The following GRIK2 variants were observed in gnomAD, a reference collection of about 807,000 sequenced individuals.
GRIK2 encodes glutamate ionotropic receptor kainate type subunit 2, also known as glutamate receptor ionotropic, kainate 2.
Under a neutral mutation model 100.3 loss-of-function variants are expected in GRIK2, and 32 were observed. The observed-to-expected ratio is 0.32, with a 90% confidence interval of 0.24 to 0.43. GRIK2 has a LOEUF of 0.43. Among genes scored for constraint, GRIK2 ranks in the 20% least tolerant of loss-of-function variants. The pLI, the probability that GRIK2 is intolerant of heterozygous loss-of-function variation, is 1.00. For synonymous variants in GRIK2, 417 were observed against 389.4 expected, an observed-to-expected ratio of 1.07 and a Z score of -0.83; for missense variants, 843 against 1,114.9, an observed-to-expected ratio of 0.76 and a Z score of 3.47.
At chr6:101,773,533 TTAAGGA>T (rs1464056801) in intron 7 of GRIK2, among the ~76,000 whole-genome samples, 1 of 150,512 alleles carries the variant, frequency 6.6e-6, no homozygotes, top group Non-Finnish European at 1.5e-5. Context: ...GGTCTTCAAG[TTAAGGA>T]TCTGAGGTAC....
At position 101,650,800 on chromosome 6, in the gene GRIK2, G is replaced by C. The variant is rs577439452; in HGVS notation, c.541+24163G>C. ...CAGTTAACTGACTTGAAAAATATCT[G>C]ATTTGAAATGGGGCTTACAGACCAA... On this transcript the variant is annotated intron_variant, in intron 4 of 16. Transcript: ENST00000369134. Among the ~76,000 whole-genome samples the C allele has an allele frequency of 2.6e-5, 4 of 151,990 alleles. No homozygotes were observed. In the East Asian group the frequency reaches 7.8e-4, roughly 30 times the overall value.
chr6:101,433,197 C>G (rs569333521), intron 2 of GRIK2, among the ~76,000 whole-genome samples: 1 of 152,112 alleles, frequency 6.6e-6, no homozygotes, highest in South Asian at 2.1e-4. Flanking sequence ...ATCATAGACA[C>G]GAAAAAGTAT....
chr6:101,754,156 T>C (rs901900882), intron 7 of GRIK2, among the ~76,000 whole-genome samples: 3 of 152,118 alleles, frequency 2.0e-5, no homozygotes, highest in Non-Finnish European at 2.9e-5. Context: ...GTTGGTAAAG[T>C]GATTGATTTA....
rs139243971 is a variant in GRIK2 at position 101,980,779 on chromosome 6, T to C, written c.2085+52147T>C. On this transcript the variant is annotated intron_variant, in intron 14 of 16. Transcript: ENST00000369134. ...ATGCCACGTGGAGTCATTTAAAAGA[T>C]TTGTATTAGTTATAAGAAAATAAAC... is the stretch of plus-strand genomic sequence containing the variant. Among the ~76,000 whole-genome samples, 47 of 151,830 alleles carry C rather than the reference T, an allele frequency of 3.1e-4. 1 individual carries two copies. The East Asian group carries it at 7.8e-3, about 25-fold the overall frequency.
At chr6:101,597,876 G>A (rs1778998323) in intron 2 of GRIK2, among the ~76,000 whole-genome samples, 2 of 151,616 alleles carry the variant, frequency 1.3e-5, no homozygotes, top group African/African-American at 4.8e-5. Flanking sequence ...TCTGTCCTGC[G>A]GTGGCGCTGG....
At chr6:101,465,513 C>A (rs149858163) in intron 2 of GRIK2, among the ~76,000 whole-genome samples, 6 of 152,098 alleles carry the variant, frequency 3.9e-5, no homozygotes, top group Non-Finnish European at 8.8e-5. Flanking sequence ...ATCCAATCAC[C>A]CATGATAGAC....
In GRIK2 at chr6:101,827,699, A is replaced by G. The variant is rs1489480960; in HGVS notation, c.1317+9216A>G. Among the ~76,000 whole-genome samples, 4 of 152,034 alleles carry G rather than the reference A, an allele frequency of 2.6e-5. No individual in the cohort carries two copies. The East Asian group carries it at 5.8e-4, about 22-fold the overall frequency. ...ACAAAAGTACAAAGAATGACATTAC[A>G]TAATGATAAAGAGTTAAATTCAACA... On this transcript the variant is annotated intron_variant, in intron 10 of 16. Coordinates refer to ENST00000369134, the MANE Select transcript of GRIK2 (RefSeq NM_021956.5).
At chr6:102,065,726 A>C (rs1225304053) in intron 16 of GRIK2, 1 of 905,752 alleles carries the variant, frequency 1.1e-6, no homozygotes, top group Non-Finnish European at 1.7e-6. Flanking sequence ...TAACAATTTT[A>C]AATGTCAACG....
chr6:101,788,834 A>C (rs9399730), intron 7 of GRIK2, among the ~76,000 whole-genome samples: 16,917 of 152,080 alleles, frequency 0.11, 2,038 homozygotes, highest in East Asian at 0.66. Context: ...CCAACAGTGT[A>C]AAAGTGTTCC....
intron 2 of GRIK2, among the ~76,000 whole-genome samples, chr6:101,576,867 C>T (rs1347079736): frequency 6.6e-6 from 1 of 150,578 alleles, no homozygotes; most frequent in Non-Finnish European, 1.5e-5. Context: ...ACTAGAGAGA[C>T]ACAAACAAGA....
chr6:101,760,198 A>T (rs576561972), intron 7 of GRIK2, among the ~76,000 whole-genome samples: 305 of 148,082 alleles, frequency 2.1e-3, no homozygotes, highest in Non-Finnish European at 3.5e-3. Context: ...AAAAATATGT[A>T]TATGTAAAAT....
At chr6:101,760,722 T>A (rs866071582) in intron 7 of GRIK2, among the ~76,000 whole-genome samples, 98 of 94,630 alleles carry the variant, frequency 1.0e-3, no homozygotes, top group African/African-American at 3.1e-3. Context: ...TTAATTATAT[T>A]TAATTATATA....
intron 10 of GRIK2, among the ~76,000 whole-genome samples, chr6:101,852,282 A>T (rs1554274623): frequency 6.6e-6 from 1 of 152,012 alleles, no homozygotes; most frequent in Non-Finnish European, 1.5e-5. Context: ...TACATGCTTT[A>T]TTTTTTTCCC....
intron 14 of GRIK2, among the ~76,000 whole-genome samples, chr6:102,018,337 G>C (rs1769232997): frequency 6.6e-6 from 1 of 152,068 alleles, no homozygotes; most frequent in Non-Finnish European, 1.5e-5. Flanking sequence ...GACAGAGCTT[G>C]AGTTGAGTAT....
At chr6:101,732,361 AC>A (rs1775334004) in intron 7 of GRIK2, among the ~76,000 whole-genome samples, 1 of 152,028 alleles carries the variant, frequency 6.6e-6, no homozygotes, top group Admixed American at 6.6e-5. Flanking sequence ...TTTTTAGGAA[AC>A]ATTACTTTAT....
chr6:101,510,186 A>G (rs1774227927), intron 2 of GRIK2, among the ~76,000 whole-genome samples: 1 of 152,198 alleles, frequency 6.6e-6, no homozygotes, highest in Non-Finnish European at 1.5e-5. Context: ...TCTATTGGGC[A>G]AACATGTCCA....
intron 2 of GRIK2, among the ~76,000 whole-genome samples, chr6:101,566,938 CAAATAT>C (rs1777305782): frequency 6.7e-6 from 1 of 149,676 alleles, no homozygotes; most frequent in Non-Finnish European, 1.5e-5. Context: ...CTATAATAGA[CAAATAT>C]AAATGTAATA....
chr6:101,875,228 T>C (rs1785740558), intron 11 of GRIK2, among the ~76,000 whole-genome samples: 1 of 151,890 alleles, frequency 6.6e-6, no homozygotes, highest in African/African-American at 2.4e-5. Flanking sequence ...TTCCCATTCC[T>C]CTTAATCCTT....
At chr6:101,703,947 A>G (rs1773077629) in intron 7 of GRIK2, among the ~76,000 whole-genome samples, 1 of 151,790 alleles carries the variant, frequency 6.6e-6, no homozygotes, top group Non-Finnish European at 1.5e-5. Flanking sequence ...GTGAAAAATG[A>G]AGTGAGTATA....
Sources: allele counts gnomAD v4.1 joint callset (sites outside exome capture counted in the v4.1 genomes callset), GRCh38; gene constraint gnomAD v4.1.1; transcripts MANE v1.5; gene names NCBI Gene and HGNC (gene_info 2026-07-23, HGNC 2026-07-21).